The following PALS2 variants were observed in gnomAD, a reference collection of about 807,000 sequenced individuals.
PALS2 encodes the protein protein PALS2.
A neutral mutation model predicts 61.6 loss-of-function variants in PALS2; 27 were observed. The observed-to-expected ratio is 0.44, with a 90% CI of 0.32 to 0.60. The LOEUF (loss-of-function observed/expected upper bound fraction) is 0.60, where lower values mean the gene tolerates loss of function less well. PALS2 is among the 20% of genes least tolerant of loss of function. The pLI, the probability that PALS2 is intolerant of heterozygous loss-of-function variation, is 0.05. For missense variants in PALS2, 554 were observed against 639.4 expected (o/e 0.87, Z 1.44); for synonymous variants, 236 against 218.6 (o/e 1.08, Z -0.70).
chr7:24,641,003 A>C (rs997384252), intron 2 of PALS2, among the ~76,000 whole-genome samples: 1 of 89,546 alleles, frequency 1.1e-5, no homozygotes, highest in Non-Finnish European at 1.9e-5. Flanking sequence ...GCGAGACTCC[A>C]TCTCAAAAAA....
At chr7:24,628,341 A>C (rs1416389039) in intron 2 of PALS2, among the ~76,000 whole-genome samples, 1 of 152,214 alleles carries the variant, frequency 6.6e-6, no homozygotes, top group Non-Finnish European at 1.5e-5. Flanking sequence ...AACACTCAAT[A>C]AACTAGGTAT....
intron 5 of PALS2, among the ~76,000 whole-genome samples, chr7:24,658,774 C>T (rs961059874): frequency 2.0e-5 from 3 of 151,808 alleles, no homozygotes; most frequent in African/African-American, 4.8e-5. Flanking sequence ...CCAGGATGGT[C>T]TCGATCTCTT....
intron 9 of PALS2, among the ~76,000 whole-genome samples, chr7:24,672,532 C>T (rs1034484968): frequency 6.6e-6 from 1 of 152,076 alleles, no homozygotes; most frequent in Non-Finnish European, 1.5e-5. Context: ...AGTATTAATT[C>T]TTCCAGTCTA....
At position 24,688,659 on chromosome 7, in the gene PALS2, T is replaced by C. The variant is rs1788322794; in HGVS notation, c.*1045T>C. 1 of 151,696 alleles carries C rather than the reference T, an allele frequency of 6.6e-6. No homozygotes were observed. The allele number at this position is 151,696 out of a possible 1,614,324, so 9.4% of individuals were successfully genotyped here. A position where few individuals can be genotyped will look rare whatever the true frequency, so the allele number is the denominator to read the frequency against. On this transcript the variant is annotated 3_prime_UTR_variant, in exon 12 of 12. Coordinates refer to ENST00000222644, the MANE Select transcript of PALS2 (RefSeq NM_001303037.2). ...TCTGTTGTGTTGAGAACCAAACCCA[T>C]TGAACAACTTAAAAAATTGGGAAAT...
At chr7:24,673,520 G>C (rs1169219212) in intron 9 of PALS2, among the ~76,000 whole-genome samples, 2 of 152,092 alleles carry the variant, frequency 1.3e-5, no homozygotes, top group African/African-American at 2.4e-5. Context: ...GAAGCCATTT[G>C]ACCCTGGGCT....
At chr7:24,605,418 A>G (rs1282629910) in intron 1 of PALS2, among the ~76,000 whole-genome samples, 1 of 152,196 alleles carries the variant, frequency 6.6e-6, no homozygotes, top group Admixed American at 6.6e-5. Context: ...ATGTTCTCCA[A>G]AATACATTTT....
At chr7:24,677,931 T>C (rs1288422998) in intron 9 of PALS2, among the ~76,000 whole-genome samples, 2 of 152,194 alleles carry the variant, frequency 1.3e-5, no homozygotes, top group Non-Finnish European at 2.9e-5. Flanking sequence ...ATTTTGTTCT[T>C]ATAAAAGTTT....
chr7:24,598,448 G>A (rs79497734), intron 1 of PALS2, among the ~76,000 whole-genome samples: 10,162 of 152,122 alleles, frequency 0.067, 406 homozygotes, highest in African/African-American at 0.11. Flanking sequence ...TTGCAGTGAG[G>A]AAAACATATT....
chr7:24,675,135 G>C (rs545643265), intron 9 of PALS2, among the ~76,000 whole-genome samples: 2 of 152,070 alleles, frequency 1.3e-5, no homozygotes, highest in African/African-American at 4.8e-5. Context: ...AAATTCACTT[G>C]TAAACTAAAG....
chr7:24,602,431 C>A (rs1340015106), intron 1 of PALS2, among the ~76,000 whole-genome samples: 4 of 152,096 alleles, frequency 2.6e-5, no homozygotes, highest in African/African-American at 9.7e-5. Flanking sequence ...TGTTGAATGT[C>A]ACTGTAGCTA....
chr7:24,619,253 T>G (rs1026498714), intron 1 of PALS2, among the ~76,000 whole-genome samples: 12 of 152,134 alleles, frequency 7.9e-5, no homozygotes, highest in Non-Finnish European at 1.0e-4. Flanking sequence ...TCCTCTCTTT[T>G]TATTTGGTAG....
At chr7:24,620,947 T>C (rs1257180458) in intron 1 of PALS2, among the ~76,000 whole-genome samples, 2 of 152,240 alleles carry the variant, frequency 1.3e-5, no homozygotes, top group Middle Eastern at 3.4e-3. Context: ...TTTGAAGTTT[T>C]CCATAATAAA....
rs190594441 is a variant in PALS2 at position 24,628,065 on chromosome 7, A to C, written c.117+4281A>C. 5.3e-4 allele frequency among the ~76,000 whole-genome samples: 80 copies of C among 152,304 alleles called. 1 individual carries two copies. In the East Asian group the frequency reaches 0.014, roughly 27 times the overall value. ...ACAAAACCTGGCAGAGACACAACAA[A>C]AAAGAAAATTTCAGGCCAATATCCC... On this transcript the variant is annotated intron_variant, in intron 2 of 11. Transcript: ENST00000222644.
At chr7:24,658,224 A>G (rs1786526676) in intron 5 of PALS2, among the ~76,000 whole-genome samples, 1 of 152,102 alleles carries the variant, frequency 6.6e-6, no homozygotes, top group Non-Finnish European at 1.5e-5. Context: ...CCTAGTGGGT[A>G]TTTTTCATCT....
chr7:24,649,011 G>C (rs1785998449), intron 3 of PALS2, among the ~76,000 whole-genome samples: 1 of 151,768 alleles, frequency 6.6e-6, no homozygotes, highest in African/African-American at 2.4e-5. Context: ...GTTATATTCG[G>C]GACTATTACT....
intron 2 of PALS2, among the ~76,000 whole-genome samples, chr7:24,637,346 G>A (rs13231952): frequency 0.17 from 20,180 of 117,524 alleles, 1,840 homozygotes; most frequent in East Asian, 0.51. Context: ...TTGATATAAT[G>A]TATGCAGAAA....
intron 3 of PALS2, among the ~76,000 whole-genome samples, chr7:24,644,095 CTTT>C (rs59645237): frequency 7.4e-6 from 1 of 134,254 alleles, no homozygotes; most frequent in African/African-American, 2.7e-5. Flanking sequence ...TTTCTTTTTT[CTTT>C]TTTTTTTTTT....
At chr7:24,659,361 AC>A (rs1255616733) in intron 5 of PALS2, among the ~76,000 whole-genome samples, 4 of 152,188 alleles carry the variant, frequency 2.6e-5, no homozygotes, top group Non-Finnish European at 4.4e-5. Context: ...TTGGGTATGT[AC>A]CCAGTAATGG....
chr7:24,624,218 C>G (rs1784640744), intron 2 of PALS2: 1 of 1,003,644 alleles, frequency 1.0e-6, no homozygotes, highest in African/African-American at 1.7e-5. Context: ...TTGCATAAGC[C>G]TGGTATTTTA....
Sources: gnomAD v4.1 joint callset for allele counts (sites outside exome capture counted in the v4.1 genomes callset) on GRCh38, gnomAD v4.1.1 for gene constraint, MANE v1.5 for transcripts, NCBI Gene and HGNC (gene_info 2026-07-23, HGNC 2026-07-21) for gene names.